PPP1R13B: variants seen among roughly 807,000 people sequenced by gnomAD.
PPP1R13B encodes protein phosphatase 1 regulatory subunit 13B, also known as apoptosis-stimulating of p53 protein 1.
A neutral mutation model predicts 119.8 loss-of-function variants in PPP1R13B; 44 were observed. That is an observed-to-expected ratio of 0.37 (90% CI 0.29 to 0.47). PPP1R13B has a LOEUF of 0.47. PPP1R13B is among the 20% of genes least tolerant of loss of function. The pLI, the probability that PPP1R13B is intolerant of heterozygous loss-of-function variation, is 0.99. For synonymous variants in PPP1R13B, 542 were observed against 561.5 expected, an observed-to-expected ratio of 0.97 and a Z score of 0.49; for missense variants, 1,227 against 1,413.5, an observed-to-expected ratio of 0.87 and a Z score of 2.12.
At position 103,736,117 on chromosome 14, in the gene PPP1R13B, G is replaced by A. The variant is rs760622346; in HGVS notation, c.3117C>T (p.Ser1039=). 1.2e-6 allele frequency: 2 copies of A among 1,614,210 alleles called. No homozygotes were observed. Among genetic ancestry groups the A allele is most frequent in the South Asian group, 2.2e-5 (2 of 91,086 alleles). Residue 1039 remains serine (S), a synonymous_variant, in exon 16 of 17, where the codon TCC becomes TCT. Transcript: ENST00000202556. ...DYEAQNSDEL[S]FHEGDALTIL... is the part of the protein sequence containing the mutation. ...TGGTGAGGGCGTCCCCTTCGTGGAA[G>A]GACAGCTCGTCACTGTTCTGGGCCT...
Position 103,739,855 on chromosome 14 carries a change from G to A in PPP1R13B, c.2561C>T (p.Pro854Leu). The change falls in exon 12 of 17, where the codon CCC becomes CTC. Residue 854 changes from proline to leucine, a missense_variant. Physicochemically the swap from Pro to Leu is moderately conservative, Grantham distance 98. Transcript: ENST00000202556. ...GEEQVPPAPL[P>L]PASHPPATST... ...GGTGGCAGGAGGGTGGCTGGCAGGG[G>A]GAAGAGGTGCTGGAGGGACCTGCTC... The A allele has an allele frequency of 1.9e-6, 3 of 1,611,892 alleles. No individual in the cohort carries two copies. Among genetic ancestry groups the A allele is most frequent in the African/African-American group, 1.3e-5 (1 of 75,030 alleles).
chr14:103,810,466 T>C (rs893657467), intron 1 of PPP1R13B, among the ~76,000 whole-genome samples: 2 of 151,376 alleles, frequency 1.3e-5, no homozygotes, highest in Non-Finnish European at 2.9e-5. Context: ...CTGACACCAC[T>C]GTTCATCAAT....
At position 103,741,856 on chromosome 14, in the gene PPP1R13B, G is replaced by A; in HGVS notation, c.1756C>T (p.Gln586Ter). Residue 586 changes from glutamine to a stop codon, truncating the protein, a stop_gained, in exon 11 of 17, where the codon CAA becomes TAA. Coordinates refer to ENST00000202556, the MANE Select transcript of PPP1R13B (RefSeq NM_015316.3). LOFTEE classifies it high-confidence loss of function. Reference protein sequence around the residue: ...SSSIYSMYLQQATPPKNYQPA... With the variant: ...SSSIYSMYLQ The stretch of plus-strand genomic sequence containing the variant: ...TGGTAATTCTTAGGTGGTGTGGCTT[G>A]CTGGAGGTACATGGAGTATATGGAA... The A allele has an allele frequency of 6.2e-7, 1 of 1,614,242 alleles. No homozygotes were observed. Among genetic ancestry groups the A allele is most frequent in the South Asian group, 1.1e-5 (1 of 91,088 alleles).
At chr14:103,787,841 G>A (rs1362035314) in intron 2 of PPP1R13B, among the ~76,000 whole-genome samples, 1 of 151,976 alleles carries the variant, frequency 6.6e-6, no homozygotes. Context: ...TAGTAGAGAT[G>A]GGATTTCACT....
At chr14:103,735,345 T>A (rs1002857956) in intron 16 of PPP1R13B, 150 bp from the exon 17 acceptor site, 2 of 735,030 alleles carry the variant, frequency 2.7e-6, no homozygotes, top group Non-Finnish European at 4.9e-6. Flanking sequence ...ACCTCTACAC[T>A]GAGACCCACC....
chr14:103,798,090 C>G (rs2085802763), intron 1 of PPP1R13B, among the ~76,000 whole-genome samples: 1 of 151,084 alleles, frequency 6.6e-6, no homozygotes, highest in African/African-American at 2.4e-5. Flanking sequence ...CAAACTATGA[C>G]TCAAAAATCA....
chr14:103,748,854 A>T (rs558610037), intron 8 of PPP1R13B, among the ~76,000 whole-genome samples: 4 of 152,228 alleles, frequency 2.6e-5, no homozygotes, highest in Non-Finnish European at 5.9e-5. Context: ...ACCAGAATGA[A>T]GTAACGACCT....
chr14:103,762,677 G>A (rs533664497), intron 4 of PPP1R13B: 35 of 539,824 alleles, frequency 6.5e-5, no homozygotes, highest in Middle Eastern at 5.1e-4. Flanking sequence ...CCTGAAAAAC[G>A]GGAACCAAGA....
At chr14:103,842,635 C>G (rs187845038) in intron 1 of PPP1R13B, among the ~76,000 whole-genome samples, 5 of 151,636 alleles carry the variant, frequency 3.3e-5, no homozygotes, top group Non-Finnish European at 7.4e-5. Flanking sequence ...GAAAACACTT[C>G]AGAGCTACAG....
At chr14:103,785,761 C>A (rs954561946) in intron 2 of PPP1R13B, among the ~76,000 whole-genome samples, 1 of 152,058 alleles carries the variant, frequency 6.6e-6, no homozygotes, top group African/African-American at 2.4e-5. Context: ...CTCAGGTGAT[C>A]CACCCGCCTT....
chr14:103,735,747 C>T (rs2084092043), intron 16 of PPP1R13B, among the ~76,000 whole-genome samples: 1 of 152,220 alleles, frequency 6.6e-6, no homozygotes, highest in Non-Finnish European at 1.5e-5. Context: ...ATGAACCGAG[C>T]TCATTGAGCG....
chr14:103,737,634 G>A, intron 15 of PPP1R13B, 60 bp downstream of exon 15: 3 of 1,554,876 alleles, frequency 1.9e-6, no homozygotes, highest in Non-Finnish European at 1.7e-6. Context: ...CCGGCTGACT[G>A]TTGCCATGGC....
intron 1 of PPP1R13B, among the ~76,000 whole-genome samples, chr14:103,825,955 A>T (rs2086529752): frequency 6.6e-6 from 1 of 151,328 alleles, no homozygotes; most frequent in Non-Finnish European, 1.5e-5. Context: ...AGTGATTCTC[A>T]TGCCTCAGCC....
At chr14:103,792,626 G>A (rs1266579353) in intron 2 of PPP1R13B, among the ~76,000 whole-genome samples, 1 of 152,212 alleles carries the variant, frequency 6.6e-6, no homozygotes, top group Admixed American at 6.6e-5. Context: ...TAAAAGGATT[G>A]TCTGGGCACT....
chr14:103,755,940 T>C (rs1305159254), intron 5 of PPP1R13B, among the ~76,000 whole-genome samples: 7 of 152,182 alleles, frequency 4.6e-5, no homozygotes, highest in Admixed American at 3.3e-4. Context: ...TAAAAGTGGA[T>C]AGTACAATGA....
intron 2 of PPP1R13B, among the ~76,000 whole-genome samples, chr14:103,788,938 A>G (rs965361900): frequency 2.0e-5 from 3 of 152,086 alleles, no homozygotes; most frequent in Admixed American, 2.0e-4. Context: ...TTCATTCTCA[A>G]TCAGGAGTTG....
chr14:103,834,145 C>A (rs1260265025), intron 1 of PPP1R13B, among the ~76,000 whole-genome samples: 2 of 152,156 alleles, frequency 1.3e-5, no homozygotes, highest in East Asian at 1.9e-4. Flanking sequence ...GAGGCCAAGG[C>A]GTGTGGATCA....
intron 2 of PPP1R13B, among the ~76,000 whole-genome samples, chr14:103,788,690 CAA>C (rs750570947): frequency 8.9e-5 from 10 of 111,966 alleles, no homozygotes; most frequent in Non-Finnish European, 5.8e-5. Flanking sequence ...ACAATCAAAG[CAA>C]AAAAAAAAAA....
chr14:103,758,430 G>C (rs2084727981), intron 4 of PPP1R13B, among the ~76,000 whole-genome samples: 2 of 152,172 alleles, frequency 1.3e-5, no homozygotes, highest in Admixed American at 1.3e-4. Context: ...TTACAGATAA[G>C]AAAACAAGCA....
Sources: allele counts gnomAD v4.1 joint callset (sites outside exome capture counted in the v4.1 genomes callset), GRCh38; gene constraint gnomAD v4.1.1; transcripts MANE v1.5; gene names NCBI Gene and HGNC (gene_info 2026-07-23, HGNC 2026-07-21).